Variants in NFATC1 observed in about 807,000 individuals in gnomAD.
NFATC1 encodes nuclear factor of activated T-cells, cytoplasmic 1.
Under a neutral mutation model 76.0 loss-of-function variants are expected in NFATC1, and 22 were observed. The ratio of observed to expected loss-of-function variants is 0.29; its 90% CI spans 0.21 to 0.41. The LOEUF (loss-of-function observed/expected upper bound fraction) is 0.41, where lower values mean the gene tolerates loss of function less well. Among genes scored for constraint, NFATC1 ranks in the 10% least tolerant of loss-of-function variants. The pLI is 1.00. For synonymous variants in NFATC1, 704 were observed against 613.1 expected (o/e 1.15, Z -2.19); for missense variants, 1,357 against 1,337.7 (o/e 1.01, Z -0.23).
intron 3 of NFATC1, among the ~76,000 whole-genome samples, chr18:79,436,237 G>A (rs2144683684): frequency 6.6e-6 from 1 of 152,356 alleles, no homozygotes; most frequent in Admixed American, 6.5e-5. Context: ...GCACTGGCCT[G>A]GGGGCGCGAG....
intron 2 of NFATC1, among the ~76,000 whole-genome samples, chr18:79,419,551 G>GC (rs1175338788): frequency 6.9e-6 from 1 of 145,046 alleles, no homozygotes. Context: ...CTGCCCGGGA[G>GC]CCCCCCTAGG....
intron 9 of NFATC1, among the ~76,000 whole-genome samples, chr18:79,488,002 C>T (rs2089562225): frequency 6.6e-6 from 1 of 152,198 alleles, no homozygotes; most frequent in Non-Finnish European, 1.5e-5. Flanking sequence ...CCACTGCCCA[C>T]TCCCTGCTCA....
chr18:79,486,695 C>G lies in NFATC1; in HGVS notation c.2540C>G (p.Pro847Arg). ...GLEHSLCPSS[P>R]SPPLPPATQE... is the part of the protein sequence containing the mutation. ...GAACACTCGCTCTGCCCCAGCAGCC[C>G]CTCTCCTCCACTCCCGCCTGCCACC... The change falls in exon 9 of 10, where the codon CCC (proline) becomes CGC (arginine). Residue 847 changes from proline to arginine, a missense_variant. Pro to Arg is a moderately radical substitution (Grantham distance 103, BLOSUM62 -2). Coordinates refer to ENST00000427363, the MANE Select transcript of NFATC1 (RefSeq NM_001278669.2). 6.2e-7 allele frequency: 1 copy of G among 1,600,258 alleles called. No individual in the cohort carries two copies. Among genetic ancestry groups the G allele is most frequent in the South Asian group, 1.1e-5 (1 of 90,094 alleles).
intron 8 of NFATC1, among the ~76,000 whole-genome samples, chr18:79,474,223 G>A (rs1569005826): frequency 4.2e-4 from 3 of 7,128 alleles, no homozygotes; most frequent in Admixed American, 3.6e-3. Context: ...CACTGTCGAC[G>A]TAAACCTGAG....
At chr18:79,498,409 G>T (rs2145126588) in intron 9 of NFATC1, 1 of 149,440 alleles carries the variant, frequency 6.7e-6, no homozygotes, top group Admixed American at 6.6e-5. Context: ...AATGAAAAAT[G>T]CATTAGAGAG....
intron 3 of NFATC1, among the ~76,000 whole-genome samples, chr18:79,443,541 G>T (rs1036653512): frequency 6.6e-6 from 1 of 152,172 alleles, no homozygotes; most frequent in African/African-American, 2.4e-5. Context: ...TTCCCAGTCG[G>T]CGCCCGTGCA....
intron 1 of NFATC1, among the ~76,000 whole-genome samples, chr18:79,398,070 C>T (rs2148117137): frequency 6.6e-6 from 1 of 152,230 alleles, no homozygotes; most frequent in African/African-American, 2.4e-5. Flanking sequence ...GAGTAGGCCC[C>T]ACGAGGCCAT....
chr18:79,403,926 G>C (rs550436009), intron 1 of NFATC1, among the ~76,000 whole-genome samples: 18 of 152,338 alleles, frequency 1.2e-4, no homozygotes, highest in African/African-American at 3.6e-4. Context: ...GGAATGCTCT[G>C]TTGTTCAAGT....
At chr18:79,411,641 C>T (rs2085689900) in intron 2 of NFATC1, 140 bp downstream of exon 2, 2 of 598,584 alleles carry the variant, frequency 3.3e-6, no homozygotes, top group Non-Finnish European at 2.3e-6. Context: ...AGGTGGGCTC[C>T]TCGTGGAGCT....
chr18:79,409,905 A>T (rs2085600402), intron 1 of NFATC1, among the ~76,000 whole-genome samples: 1 of 152,236 alleles, frequency 6.6e-6, no homozygotes, highest in Non-Finnish European at 1.5e-5. Context: ...TGTGATACGT[A>T]TTTAGGAGAA....
intron 8 of NFATC1, among the ~76,000 whole-genome samples, chr18:79,484,586 G>A (rs559316532): frequency 6.6e-6 from 1 of 152,234 alleles, no homozygotes; most frequent in East Asian, 1.9e-4. Flanking sequence ...CTACTCAGAG[G>A]GTGGATGATA....
chr18:79,400,272 G>GCGGGGA (rs1555896589), intron 1 of NFATC1: 8 of 1,189,658 alleles, frequency 6.7e-6, no homozygotes, highest in Admixed American at 4.5e-5. Flanking sequence ...CGGGGGCGGG[G>GCGGGGA]CGGGGACGGG....
intron 9 of NFATC1, among the ~76,000 whole-genome samples, chr18:79,520,640 C>CTGTG (rs1220639890): frequency 3.1e-5 from 1 of 32,352 alleles, no homozygotes. Flanking sequence ...ATGTGTGTGT[C>CTGTG]TGTGTGTCGG....
rs7239147 is a variant in NFATC1 at position 79,465,912 on chromosome 18, C to T, written c.1960-1538C>T. 0.21 allele frequency among the ~76,000 whole-genome samples: 31,278 copies of T among 152,258 alleles called. 3,658 individuals are homozygous for T. Among genetic ancestry groups the T allele is most frequent in the East Asian group, 0.37 (1,892 of 5,168 alleles). On this transcript the variant is annotated intron_variant, in intron 7 of 9. Transcript: ENST00000427363. The surrounding 1 kb of genome is among the most constrained non-coding windows in gnomAD (Gnocchi z 4.2). ...CCCGCCCACTGACAGCACTCATGGC[C>T]CCTCCGGCGGCAGCTTCAGCTCCCC...
In NFATC1 at chr18:79,411,465, C is replaced by G; in HGVS notation, c.1190C>G (p.Ala397Gly). Residue 397 changes from alanine (A) to glycine (G), a missense_variant, in exon 2 of 10, where the codon GCG becomes GGG. By Grantham distance (60) the Ala-to-Gly change is moderately conservative (BLOSUM62 0). Coordinates refer to ENST00000427363, the MANE Select transcript of NFATC1 (RefSeq NM_001278669.2). Reference protein sequence around the residue: ...LAVPQHPYQWAKPKPLSPTSY... With the variant: ...LAVPQHPYQWGKPKPLSPTSY... Reference sequence around the variant, plus strand: ...GTGCCGCAGCACCCCTACCAGTGGGCGAAGCCCAAGCCCCTGTCCCCTACG... The same window carrying G: ...GTGCCGCAGCACCCCTACCAGTGGGGGAAGCCCAAGCCCCTGTCCCCTACG... 6.7e-7 allele frequency: 1 copy of G among 1,500,720 alleles called. No homozygotes were observed. Among genetic ancestry groups the G allele is most frequent in the African/African-American group, 1.4e-5 (1 of 71,422 alleles). The allele number at this position is 1,500,720 out of a possible 1,614,324, so 93.0% of individuals were successfully genotyped here.
At chr18:79,396,414 C>A in intron 1 of NFATC1, 63 bp downstream of exon 1, 1 of 1,055,418 alleles carries the variant, frequency 9.5e-7, no homozygotes, top group Non-Finnish European at 1.2e-6. Flanking sequence ...GCCGCGCCCC[C>A]CGACCCCGCC....
chr18:79,424,691 G>GTCTCTC (rs1415133002), intron 2 of NFATC1, among the ~76,000 whole-genome samples: 3 of 144,174 alleles, frequency 2.1e-5, no homozygotes, highest in African/African-American at 7.9e-5. Context: ...CCCTGTCTCT[G>GTCTCTC]TCTCTCTGTG....
chr18:79,402,165 C>T (rs545027389), intron 1 of NFATC1, among the ~76,000 whole-genome samples: 3 of 152,272 alleles, frequency 2.0e-5, no homozygotes, highest in Non-Finnish European at 1.5e-5. Context: ...ACACCGCCGG[C>T]GGCGGCATCC....
At chr18:79,416,266 C>T (rs2085872779) in intron 2 of NFATC1, among the ~76,000 whole-genome samples, 1 of 152,272 alleles carries the variant, frequency 6.6e-6, no homozygotes, top group Non-Finnish European at 1.5e-5. Context: ...TAACCCCCAG[C>T]ACAGTAACAG....
Sources: gnomAD v4.1 joint callset for allele counts (sites outside exome capture counted in the v4.1 genomes callset) on GRCh38, gnomAD v4.1.1 for gene constraint, Gnocchi (gnomAD v3.1) non-coding constraint, MANE v1.5 for transcripts, NCBI Gene and HGNC (gene_info 2026-07-23, HGNC 2026-07-21) for gene names.